Variants in BCCIP observed in about 807,000 individuals in gnomAD.
BCCIP encodes BRCA2 and CDKN1A-interacting protein.
Under a neutral mutation model 32.8 loss-of-function variants are expected in BCCIP, and 23 were observed. That is an observed-to-expected ratio of 0.70 (90% confidence interval 0.51 to 0.99). The LOEUF is 0.99. BCCIP is among the 50% of genes least tolerant of loss of function. The pLI, the probability that BCCIP is intolerant of heterozygous loss-of-function variation, is 0.00. For missense variants in BCCIP, 378 were observed against 379.8 expected, an observed-to-expected ratio of 1.00 and a Z score of 0.04; for synonymous variants, 144 against 137.6, an observed-to-expected ratio of 1.05 and a Z score of -0.33.
At chr10:125,828,784 A>G (rs1854461741) in intron 3 of BCCIP, among the ~76,000 whole-genome samples, 1 of 152,194 alleles carries the variant, frequency 6.6e-6, no homozygotes, top group Non-Finnish European at 1.5e-5. Context: ...CAGTGGGCAC[A>G]ACTCATCTGT....
downstream of BCCIP, among the ~76,000 whole-genome samples, chr10:125,845,496 T>C (rs182037641): frequency 6.6e-6 from 1 of 152,348 alleles, no homozygotes; most frequent in African/African-American, 2.4e-5. Flanking sequence ...TCATGCCTTC[T>C]CTTGTCTAAA....
At chr10:125,845,537 G>A (rs1248832805), downstream of BCCIP, among the ~76,000 whole-genome samples, 1 of 151,992 alleles carries the variant, frequency 6.6e-6, no homozygotes, top group Non-Finnish European at 1.5e-5. Flanking sequence ...GGATAGGGCA[G>A]GGGGTCTCCT....
chr10:125,829,549 G>A (rs1439710129), intron 3 of BCCIP, among the ~76,000 whole-genome samples: 1 of 152,100 alleles, frequency 6.6e-6, no homozygotes, highest in African/African-American at 2.4e-5. Flanking sequence ...ACTAAAATTC[G>A]GACACTGAGT....
intron 7 of BCCIP, among the ~76,000 whole-genome samples, chr10:125,852,003 G>C (rs572509920): frequency 6.6e-6 from 1 of 150,914 alleles, no homozygotes; most frequent in Non-Finnish European, 1.5e-5. Flanking sequence ...TCACCCTTAC[G>C]CTTCCATACT....
At chr10:125,841,767 G>A in exon 7 of BCCIP, 1 of 1,610,044 alleles carries the variant, frequency 6.2e-7, no homozygotes, top group South Asian at 1.1e-5. Context: ...GCGATTGTTA[G>A]CACTTCATCT....
At chr10:125,853,077 A>G (rs1291581152) in intron 7 of BCCIP, 1 of 1,351,910 alleles carries the variant, frequency 7.4e-7, no homozygotes, top group African/African-American at 1.5e-5. Flanking sequence ...CAATCATAAC[A>G]GCTAATACAG....
At chr10:125,832,476 C>T (rs547523792) in intron 5 of BCCIP, among the ~76,000 whole-genome samples, 1 of 152,274 alleles carries the variant, frequency 6.6e-6, no homozygotes, top group African/African-American at 2.4e-5. Flanking sequence ...TTCGATGCTT[C>T]TTATCTCCTG....
chr10:125,852,188 A>C (rs1944099356), intron 7 of BCCIP: 2 of 1,397,540 alleles, frequency 1.4e-6, no homozygotes, highest in East Asian at 4.9e-5. Flanking sequence ...CGCCCCCTCC[A>C]TGCTTGTGTG....
intron 7 of BCCIP, among the ~76,000 whole-genome samples, chr10:125,850,991 A>G (rs1290423783): frequency 2.6e-5 from 4 of 152,208 alleles, no homozygotes; most frequent in Non-Finnish European, 5.9e-5. Flanking sequence ...TGACTGTGTC[A>G]TTCAGGATGG....
At chr10:125,851,784 G>A (rs1249700398) in intron 7 of BCCIP, among the ~76,000 whole-genome samples, 2 of 151,956 alleles carry the variant, frequency 1.3e-5, no homozygotes, top group African/African-American at 2.4e-5. Flanking sequence ...TAATAAGTGT[G>A]GTGGCTTGCA....
chr10:125,827,720 A>G, intron 3 of BCCIP, 82 bp downstream of exon 3: 1 of 1,117,690 alleles, frequency 8.9e-7, no homozygotes, highest in Non-Finnish European at 1.3e-6. Context: ...TTGTAATCCC[A>G]GCACTTTGGG....
chr10:125,837,487 G>C (rs1367250170), downstream of BCCIP, among the ~76,000 whole-genome samples: 1 of 152,142 alleles, frequency 6.6e-6, no homozygotes, highest in African/African-American at 2.4e-5. Flanking sequence ...GTGTGCGGTG[G>C]TGTGACAGTA....
intron 6 of BCCIP, among the ~76,000 whole-genome samples, chr10:125,835,077 G>A (rs1355304193): frequency 6.6e-6 from 1 of 151,752 alleles, no homozygotes; most frequent in Non-Finnish European, 1.5e-5. Context: ...AGCTTGCAGT[G>A]AGCCGAGATT....
At chr10:125,845,345 A>T (rs1448832178), downstream of BCCIP, among the ~76,000 whole-genome samples, 1 of 152,242 alleles carries the variant, frequency 6.6e-6, no homozygotes, top group Non-Finnish European at 1.5e-5. Flanking sequence ...TAATCTGGCA[A>T]AAATGGCTCA....
downstream of BCCIP, chr10:125,839,258 A>G: frequency 1.3e-6 from 2 of 1,512,780 alleles, no homozygotes; most frequent in Non-Finnish European, 1.8e-6. Flanking sequence ...CAGGCCAGGC[A>G]GTTGCCATCT....
Position 125,836,340 on chromosome 10 carries a change from A to T in BCCIP, c.*66A>T. ...TTACCAGAAAACTCAGTGGAGATTT[A>T]CTGAAAAACTCAGACTTTATTCAGA... On this transcript the variant is annotated 3_prime_UTR_variant, in exon 7 of 7. Coordinates refer to ENST00000278100, the MANE Select transcript of BCCIP (RefSeq NM_078468.3). The T allele has an allele frequency of 6.2e-7, 1 of 1,609,800 alleles. No individual in the cohort carries two copies.
At chr10:125,851,474 C>T (rs1321550455) in intron 7 of BCCIP, among the ~76,000 whole-genome samples, 1 of 152,136 alleles carries the variant, frequency 6.6e-6, no homozygotes, top group African/African-American at 2.4e-5. Flanking sequence ...ATTTCTAGTC[C>T]ACCAAACATC....
At chr10:125,842,450 G>C (rs566545326) in exon 7 of BCCIP, 1 of 152,576 alleles carries the variant, frequency 6.6e-6, no homozygotes, top group South Asian at 2.1e-4. Flanking sequence ...GGTAGGGCCT[G>C]TTCCCACCAC....
chr10:125,850,301 T>C (rs773986404), intron 7 of BCCIP, among the ~76,000 whole-genome samples: 3 of 151,472 alleles, frequency 2.0e-5, no homozygotes, highest in Non-Finnish European at 4.4e-5. Context: ...AATTCCTCTT[T>C]TCACCAGAGC....
Sources: gnomAD v4.1 joint callset for allele counts (sites outside exome capture counted in the v4.1 genomes callset) on GRCh38, gnomAD v4.1.1 for gene constraint, MANE v1.5 for transcripts, NCBI Gene and HGNC (gene_info 2026-07-23, HGNC 2026-07-21) for gene names.